The following KNDC1 variants were observed in gnomAD, a reference collection of about 807,000 sequenced individuals.
KNDC1 encodes kinase non-catalytic C-lobe domain-containing protein 1.
KNDC1 carries 106 observed loss-of-function variants against 172.8 expected under a neutral mutation model. The ratio of observed to expected loss-of-function variants is 0.61; its 90% CI spans 0.52 to 0.72. KNDC1 has a LOEUF of 0.72. Among genes scored for constraint, KNDC1 ranks in the 30% least tolerant of loss-of-function variants. The pLI is 0.00. For synonymous variants in KNDC1, 1,083 were observed against 1,062.2 expected, an observed-to-expected ratio of 1.02 and a Z score of -0.38; for missense variants, 2,325 against 2,394.5, an observed-to-expected ratio of 0.97 and a Z score of 0.61.
At chr10:133,211,629 C>T (rs1845366847) in intron 22 of KNDC1, 50 bp from the exon 23 acceptor site, 1 of 1,595,714 alleles carries the variant, frequency 6.3e-7, no homozygotes, top group African/African-American at 1.3e-5. Flanking sequence ...GAGGTGCCGC[C>T]CTCCTCCAGA....
intron 29 of KNDC1, among the ~76,000 whole-genome samples, chr10:133,222,059 A>G (rs551806460): frequency 0.068 from 4,345 of 64,174 alleles, 618 homozygotes; most frequent in African/African-American, 0.13. Flanking sequence ...AGGCGGGCGG[A>G]TCACTTGAGG....
chr10:133,222,262 G>A (rs1273214650), intron 29 of KNDC1, among the ~76,000 whole-genome samples: 16 of 139,240 alleles, frequency 1.1e-4, no homozygotes, highest in African/African-American at 3.3e-4. Flanking sequence ...CAGCCTGGGC[G>A]ATAGAGCGAG....
intron 3 of KNDC1, among the ~76,000 whole-genome samples, chr10:133,177,720 GGT>G (rs1405747166): frequency 1.3e-5 from 2 of 151,864 alleles, no homozygotes; most frequent in Non-Finnish European, 2.9e-5. Flanking sequence ...CATGTGGTAT[GGT>G]GTGTTGTGGC....
At chr10:133,219,212 C>T (rs1348491697) in intron 28 of KNDC1, 122 bp downstream of exon 28, 34 of 1,228,082 alleles carry the variant, frequency 2.8e-5, no homozygotes, top group South Asian at 2.7e-4. Context: ...GGTGGCCCAG[C>T]CAGGGTGGCC....
At chr10:133,168,106 CT>C in intron 2 of KNDC1, 147 bp from the exon 3 acceptor site, 1 of 735,942 alleles carries the variant, frequency 1.4e-6, no homozygotes. Flanking sequence ...GCTGATTTCC[CT>C]TTTTCATGGC....
chr10:133,214,210 A>C, intron 26 of KNDC1, 88 bp downstream of exon 26: 1 of 1,431,688 alleles, frequency 7.0e-7, no homozygotes. Context: ...CCGTGGCCTG[A>C]ACCCTCTCCC....
rs1382029462 is a variant in KNDC1, at chr10:133,184,249, CACACACACGTT to C, written c.625+269_625+279del. On this transcript the variant is annotated intron_variant, in intron 5 of 29. Coordinates refer to ENST00000304613, the MANE Select transcript of KNDC1 (RefSeq NM_152643.8). ...CACACACACCCATGCGCACACACTG[CACACACACGTT>C]ACACACACCCATGCACACACACGCT... Among the ~76,000 whole-genome samples, 9 of 138,500 alleles carry C rather than the reference CACACACACGTT, an allele frequency of 6.5e-5. No individual in the cohort carries two copies. In the East Asian group the frequency reaches 2.1e-3, roughly 32 times the overall value. 90.9% of individuals were successfully genotyped at this position (138,500 alleles called of 152,430 possible).
In KNDC1 at chr10:133,168,307, T is replaced by C; in HGVS notation, c.355T>C (p.Phe119Leu). 1 of 1,614,086 alleles carries C rather than the reference T, an allele frequency of 6.2e-7. No individual in the cohort carries two copies. The change falls in exon 3 of 30, where the codon TTT becomes CTT. Residue 119 changes from phenylalanine (F) to leucine (L), a missense_variant. Coordinates refer to ENST00000304613, the MANE Select transcript of KNDC1 (RefSeq NM_152643.8). Reference sequence around the variant, plus strand: ...CGAGTTCGACGTGACCGGGAACACCTTTGAGGTAAGTGCAGGTGGGGGTAA... The same window carrying C: ...CGAGTTCGACGTGACCGGGAACACCCTTGAGGTAAGTGCAGGTGGGGGTAA... ...PPEFDVTGNT[F>L]EAHIYSLGAT...
chr10:133,217,302 A>G (rs113855135), intron 26 of KNDC1, among the ~76,000 whole-genome samples: 1,647 of 152,382 alleles, frequency 0.011, 25 homozygotes, highest in African/African-American at 0.037. Flanking sequence ...TCAGCGTAGA[A>G]AGTGTATCCG....
At chr10:133,199,319 A>G (rs1393051752) in intron 14 of KNDC1, 53 bp downstream of exon 14, 7 of 1,547,664 alleles carry the variant, frequency 4.5e-6, no homozygotes, top group Non-Finnish European at 6.1e-6. Flanking sequence ...GGAGAGCCCC[A>G]CAGGGGACTC....
At chr10:133,162,829 C>T (rs1165549680) in intron 1 of KNDC1, among the ~76,000 whole-genome samples, 1 of 152,226 alleles carries the variant, frequency 6.6e-6, no homozygotes, top group Non-Finnish European at 1.5e-5. Context: ...GCCCTGTGTC[C>T]CAGCAACTTC....
chr10:133,221,318 G>A (rs1564902914), intron 29 of KNDC1, among the ~76,000 whole-genome samples: 1 of 152,260 alleles, frequency 6.6e-6, no homozygotes, highest in African/African-American at 2.4e-5. Context: ...CACCACCTGG[G>A]AGGCGCAGAC....
Position 133,186,628 on chromosome 10 carries a change from G to A in KNDC1, c.1280G>A (p.Arg427Lys). Residue 427 changes from arginine (R) to lysine (K), a missense_variant, in exon 6 of 30, where the codon AGA becomes AAA. Physicochemically the swap from Arg to Lys is conservative, Grantham distance 26 (BLOSUM62 2). Coordinates refer to ENST00000304613, the MANE Select transcript of KNDC1 (RefSeq NM_152643.8). ...GCCCAGACTCCCAGGGACGATGAGA[G>A]AATTCCAGAAGGAGCTAGGCAGCTG... ...GEAQTPRDDE[R>K]IPEGARQLES... 1.3e-6 allele frequency: 2 copies of A among 1,595,756 alleles called. No homozygotes were observed. Among genetic ancestry groups the A allele is most frequent in the South Asian group, 1.1e-5 (1 of 90,500 alleles).
chr10:133,190,501 C>G (rs779832680), intron 9 of KNDC1, among the ~76,000 whole-genome samples: 1 of 152,236 alleles, frequency 6.6e-6, no homozygotes, highest in Non-Finnish European at 1.5e-5. Context: ...CGAGGGGCCT[C>G]TGGACCAAGG....
rs1336165699 is a variant in KNDC1, at chr10:133,188,576, G to A, written c.1364G>A (p.Arg455Gln). 6.9e-6 allele frequency: 11 copies of A among 1,588,372 alleles called. No individual in the cohort carries two copies. The highest frequency in any genetic ancestry group is 1.3e-5 in the African/African-American group (1 of 74,666). The change falls in exon 7 of 30, where the codon CGG (arginine) becomes CAG (glutamine). Residue 455 changes from arginine to glutamine, a missense_variant. Arg to Gln is a conservative substitution (Grantham distance 43, BLOSUM62 1). Coordinates refer to ENST00000304613, the MANE Select transcript of KNDC1 (RefSeq NM_152643.8). ...SLQDLLSQLG[R>Q]PFREYELWAL... ...CAGGACCTCCTGTCCCAGCTGGGCC[G>A]GCCCTTCCGGGAGTACGAGCTGTGG...
chr10:133,196,953 C>T, intron 10 of KNDC1, 105 bp from the exon 11 acceptor site: 1 of 860,110 alleles, frequency 1.2e-6, no homozygotes, highest in Non-Finnish European at 1.9e-6. Flanking sequence ...AACAGGAAAC[C>T]CTCCTGGCAG....
intron 28 of KNDC1, 134 bp from the exon 29 acceptor site, chr10:133,219,821 G>T: frequency 1.2e-6 from 1 of 864,948 alleles, no homozygotes; most frequent in Non-Finnish European, 1.7e-6. Context: ...AGCTAATTCA[G>T]AGAGCCGGGT....
chr10:133,211,146 G>C (rs535735356), intron 21 of KNDC1, among the ~76,000 whole-genome samples: 1 of 152,044 alleles, frequency 6.6e-6, no homozygotes, highest in South Asian at 2.1e-4. Context: ...GTGGGCTGAG[G>C]GGGGAGGGGC....
intron 9 of KNDC1, among the ~76,000 whole-genome samples, chr10:133,193,386 A>T (rs1025856849): frequency 6.6e-6 from 1 of 152,124 alleles, no homozygotes; most frequent in African/African-American, 2.4e-5. Context: ...TTTGCCAGGC[A>T]TGGTGGTGGG....
Sources: allele counts gnomAD v4.1 joint callset (sites outside exome capture counted in the v4.1 genomes callset), GRCh38; gene constraint gnomAD v4.1.1; transcripts MANE v1.5; gene names NCBI Gene and HGNC (gene_info 2026-07-23, HGNC 2026-07-21).